Variants in CTNNA3 observed in about 807,000 individuals in gnomAD.
CTNNA3 encodes the protein catenin alpha 3.
In CTNNA3, 76 loss-of-function variants were observed where a neutral mutation model predicts 95.7. The observed-to-expected ratio is 0.79, with a 90% CI of 0.66 to 0.96. The LOEUF is 0.96. Among genes scored for constraint, CTNNA3 ranks in the 40% least tolerant of loss-of-function variants. The pLI, the probability that CTNNA3 is intolerant of heterozygous loss-of-function variation, is 0.00. For missense variants in CTNNA3, 1,191 were observed against 1,089.8 expected (o/e 1.09, Z -1.31); for synonymous variants, 431 against 374.4 (o/e 1.15, Z -1.74).
chr10:67,311,802 T>C (rs1370692122), intron 5 of CTNNA3, among the ~76,000 whole-genome samples: 8 of 152,202 alleles, frequency 5.3e-5, no homozygotes, highest in Non-Finnish European at 1.0e-4. Flanking sequence ...CAATGTGTTC[T>C]AGAAGAGTAA....
intron 12 of CTNNA3, among the ~76,000 whole-genome samples, chr10:66,330,174 C>T (rs1013269779): frequency 2.0e-5 from 3 of 151,816 alleles, no homozygotes; most frequent in Admixed American, 2.0e-4. Context: ...TCCATTAACT[C>T]GTCATTTAAC....
intron 7 of CTNNA3, among the ~76,000 whole-genome samples, chr10:67,042,797 T>C (rs1854485258): frequency 2.0e-5 from 3 of 152,122 alleles, no homozygotes; most frequent in Admixed American, 6.5e-5. Context: ...ATGGTGTCAG[T>C]TGTCAATGAT....
intron 7 of CTNNA3, among the ~76,000 whole-genome samples, chr10:66,829,111 T>C (rs1842618530): frequency 6.6e-6 from 1 of 152,172 alleles, no homozygotes; most frequent in African/African-American, 2.4e-5. Context: ...CTTGGGCCAC[T>C]CCATGTCAAT....
chr10:67,315,007 T>C (rs1244100632), intron 5 of CTNNA3, among the ~76,000 whole-genome samples: 2 of 152,186 alleles, frequency 1.3e-5, no homozygotes, highest in African/African-American at 4.8e-5. Context: ...TCTTACCAGC[T>C]TAATGAAGTT....
intron 10 of CTNNA3, among the ~76,000 whole-genome samples, chr10:66,540,470 A>G (rs1027315933): frequency 6.6e-6 from 1 of 152,140 alleles, no homozygotes; most frequent in Admixed American, 6.6e-5. Context: ...GCTATCTTGG[A>G]CAGAAAAGAA....
chr10:66,509,117 G>C (rs1364989750), intron 11 of CTNNA3, among the ~76,000 whole-genome samples: 1 of 152,044 alleles, frequency 6.6e-6, no homozygotes, highest in Non-Finnish European at 1.5e-5. Context: ...TTGTGGTTTT[G>C]ATTTGCATTT....
chr10:67,259,989 T>C (rs1866529425), intron 5 of CTNNA3, among the ~76,000 whole-genome samples: 1 of 152,200 alleles, frequency 6.6e-6, no homozygotes, highest in Non-Finnish European at 1.5e-5. Flanking sequence ...TCCATTACCT[T>C]GGATTAAAGC....
At position 66,273,251 on chromosome 10, in the gene CTNNA3, G is replaced by A. The variant is rs542625093; in HGVS notation, c.1884+7219C>T. 3.9e-5 allele frequency among the ~76,000 whole-genome samples: 6 copies of A among 152,122 alleles called. No homozygotes were observed. In the East Asian group the frequency reaches 1.2e-3, roughly 29 times the overall value. ...TAAGGGTTACTTGAACACAAGAACT[G>A]CAATACTATATGACTAATGGGAGGG... On this transcript the variant is annotated intron_variant, in intron 13 of 17. Transcript: ENST00000433211.
chr10:67,690,643 G>A (rs1285423280), intron 1 of CTNNA3, among the ~76,000 whole-genome samples: 1 of 152,134 alleles, frequency 6.6e-6, no homozygotes, highest in Non-Finnish European at 1.5e-5. Context: ...AGCACTGATT[G>A]GTGCATTTAC....
chr10:67,486,038 T>G (rs1418571422), intron 5 of CTNNA3, among the ~76,000 whole-genome samples: 1 of 152,158 alleles, frequency 6.6e-6, no homozygotes, highest in African/African-American at 2.4e-5. Context: ...AACCCAAACC[T>G]AAGGGAATTT....
At chr10:67,056,499 G>A (rs1255254894) in intron 7 of CTNNA3, among the ~76,000 whole-genome samples, 1 of 152,128 alleles carries the variant, frequency 6.6e-6, no homozygotes, top group Non-Finnish European at 1.5e-5. Context: ...GTGAAACCAA[G>A]ATCCACTCCT....
intron 1 of CTNNA3, among the ~76,000 whole-genome samples, chr10:67,729,911 A>G (rs898221275): frequency 2.0e-5 from 3 of 152,180 alleles, no homozygotes; most frequent in Admixed American, 2.0e-4. Context: ...AATAATGGCA[A>G]GAAAACTTTC....
At chr10:67,392,705 A>C (rs554045933) in intron 5 of CTNNA3, among the ~76,000 whole-genome samples, 165 of 152,306 alleles carry the variant, frequency 1.1e-3, no homozygotes, top group African/African-American at 3.7e-3. Context: ...GCACATATAC[A>C]CCATGGAATA....
rs371113836 is a variant in CTNNA3 at position 66,953,542 on chromosome 10, T to C, written c.1048-178018A>G. On this transcript the variant is annotated intron_variant, in intron 7 of 17. Transcript: ENST00000433211. ...GAAAGACTCTTTGCTTGAAACAGTC[T>C]TACTGGCACACCATAGTTAGTTATG... is the stretch of plus-strand genomic sequence containing the variant. Among the ~76,000 whole-genome samples, 25 of 152,322 alleles carry C rather than the reference T, an allele frequency of 1.6e-4. No individual in the cohort carries two copies. The South Asian group carries it at 5.0e-3, about 30-fold the overall frequency.
intron 7 of CTNNA3, among the ~76,000 whole-genome samples, chr10:66,789,530 A>G (rs796588888): frequency 1.1e-4 from 17 of 152,294 alleles, no homozygotes; most frequent in African/African-American, 3.8e-4. Context: ...AATGACATCT[A>G]AATTCACGAA....
At chr10:66,490,520 C>T (rs1346502636) in intron 11 of CTNNA3, among the ~76,000 whole-genome samples, 1 of 152,146 alleles carries the variant, frequency 6.6e-6, no homozygotes, top group African/African-American at 2.4e-5. Context: ...TGATCTTATA[C>T]AGGTTAAATC....
chr10:66,487,356 C>T (rs1053398711), intron 11 of CTNNA3, among the ~76,000 whole-genome samples: 3 of 151,816 alleles, frequency 2.0e-5, no homozygotes, highest in Non-Finnish European at 4.4e-5. Context: ...TGCCCGCCAA[C>T]ACGCCCGGCT....
chr10:67,576,171 T>C (rs1303557569), intron 3 of CTNNA3, among the ~76,000 whole-genome samples: 3 of 152,282 alleles, frequency 2.0e-5, no homozygotes, highest in Admixed American at 6.5e-5. Context: ...ACATAGACTT[T>C]AGCAGGCTGG....
In CTNNA3 at chr10:66,753,872, A is replaced by G. The variant is rs1839263700; in HGVS notation, c.1281+12392T>C. On this transcript the variant is annotated intron_variant, in intron 9 of 17. Coordinates refer to ENST00000433211, the MANE Select transcript of CTNNA3 (RefSeq NM_013266.4). Reference sequence around the variant, plus strand: ...CTGAAAACTACAAAACATTGTTGAAAAAAATTAAAGGAGATCTAAATAAGT... The same window carrying G: ...CTGAAAACTACAAAACATTGTTGAAGAAAATTAAAGGAGATCTAAATAAGT... Among the ~76,000 whole-genome samples, 6 of 152,204 alleles carry G rather than the reference A, an allele frequency of 3.9e-5. 1 individual carries two copies. The South Asian group carries it at 1.2e-3, about 32-fold the overall frequency.
Sources: allele counts gnomAD v4.1 joint callset (sites outside exome capture counted in the v4.1 genomes callset), GRCh38; gene constraint gnomAD v4.1.1; transcripts MANE v1.5; gene names NCBI Gene and HGNC (gene_info 2026-07-23, HGNC 2026-07-21).